The following AJAP1 variants were observed in gnomAD, a reference collection of about 807,000 sequenced individuals.
AJAP1 encodes the protein adherens junction-associated protein 1.
Under a neutral mutation model 35.0 loss-of-function variants are expected in AJAP1, and 5 were observed. The observed-to-expected ratio is 0.14, with a 90% CI of 0.07 to 0.30. AJAP1 has a LOEUF of 0.30. AJAP1 is among the 10% of genes least tolerant of loss of function. AJAP1 has a pLI of 1.00. For synonymous variants in AJAP1, 284 were observed against 249.3 expected (o/e 1.14, Z -1.31); for missense variants, 586 against 571.0 (o/e 1.03, Z -0.27).
chr1:4,688,728 T>A (rs1639663784), intron 1 of AJAP1, among the ~76,000 whole-genome samples: 2 of 139,102 alleles, frequency 1.4e-5, no homozygotes, highest in Admixed American at 1.6e-4. Context: ...GCTGAGATCG[T>A]GCCACTGCAC....
chr1:4,738,301 G>A (rs571338559), intron 2 of AJAP1, among the ~76,000 whole-genome samples: 18 of 152,344 alleles, frequency 1.2e-4, no homozygotes, highest in Admixed American at 4.6e-4. Flanking sequence ...AAATAAATGC[G>A]TAATTGTCAA....
chr1:4,743,202 A>G (rs961691460), intron 2 of AJAP1, among the ~76,000 whole-genome samples: 1 of 152,154 alleles, frequency 6.6e-6, no homozygotes, highest in African/African-American at 2.4e-5. Flanking sequence ...GGCCCCACAG[A>G]GTGATTTTGG....
At chr1:4,725,826 G>A (rs1183844301) in intron 2 of AJAP1, among the ~76,000 whole-genome samples, 1 of 152,164 alleles carries the variant, frequency 6.6e-6, no homozygotes, top group Non-Finnish European at 1.5e-5. Flanking sequence ...CCCTCTGTGT[G>A]TCTGTGTCCT....
chr1:4,738,583 G>C (rs1236715666), intron 2 of AJAP1, among the ~76,000 whole-genome samples: 2 of 152,162 alleles, frequency 1.3e-5, no homozygotes, highest in Non-Finnish European at 2.9e-5. Context: ...GTAAGGAGAG[G>C]GGGTGGGAGC....
At chr1:4,659,142 C>A (rs1227877088) in intron 1 of AJAP1, among the ~76,000 whole-genome samples, 2 of 152,204 alleles carry the variant, frequency 1.3e-5, no homozygotes, top group Non-Finnish European at 2.9e-5. Context: ...TTGCAAACAG[C>A]TGAGCCTTCA....
intron 1 of AJAP1, among the ~76,000 whole-genome samples, chr1:4,662,312 C>A (rs1639016765): frequency 6.6e-6 from 1 of 152,184 alleles, no homozygotes; most frequent in Non-Finnish European, 1.5e-5. Context: ...TGCCCATCCT[C>A]ACTATTCCTG....
At chr1:4,732,428 C>T (rs1219322270) in intron 2 of AJAP1, among the ~76,000 whole-genome samples, 1 of 152,272 alleles carries the variant, frequency 6.6e-6, no homozygotes, top group East Asian at 1.9e-4. Flanking sequence ...GAGGGGACCT[C>T]CAAGCTACCC....
At chr1:4,729,447 G>T (rs929730418) in intron 2 of AJAP1, among the ~76,000 whole-genome samples, 4 of 152,200 alleles carry the variant, frequency 2.6e-5, no homozygotes, top group Non-Finnish European at 5.9e-5. Flanking sequence ...TCTGAGCTGT[G>T]CCTACAGGGT....
Position 4,693,631 on chromosome 1 carries a change from G to A in AJAP1, c.30-18269G>A, listed in dbSNP as rs141642111. On this transcript the variant is annotated intron_variant, in intron 1 of 5. Transcript: ENST00000378191. The surrounding 1 kb of genome is among the most constrained non-coding windows in gnomAD (Gnocchi z 4.4). ...TGCCTGTCTTAGCCTGTTTTATGCG[G>A]CTCTAACAATATATGTGAGACTGGG... 3.6e-3 allele frequency among the ~76,000 whole-genome samples: 544 copies of A among 152,310 alleles called. 2 individuals are homozygous for A. Among genetic ancestry groups the A allele is most frequent in the African/African-American group, 8.3e-3 (346 of 41,566 alleles).
chr1:4,656,865 GT>G lies in AJAP1; in HGVS notation c.29+1413del, dbSNP rs1638894107. Among the ~76,000 whole-genome samples the G allele has an allele frequency of 1.3e-5, 2 of 152,180 alleles. No individual in the cohort carries two copies. Among genetic ancestry groups the G allele is most frequent in the Admixed American group, 1.3e-4 (2 of 15,280 alleles). On this transcript the variant is annotated intron_variant, in intron 1 of 5. Coordinates refer to ENST00000378191, the MANE Select transcript of AJAP1 (RefSeq NM_018836.4). This position sits in a 1 kb window ranked among gnomAD's most constrained non-coding sequence, Gnocchi z 5.7. ...GCTAGATAAGGTTTAGGCTTGGACC[GT>G]TGTGGGATGTTGGCAAAATGGAGCG...
chr1:4,757,276 G>A (rs1049582077), intron 2 of AJAP1, among the ~76,000 whole-genome samples: 7 of 152,160 alleles, frequency 4.6e-5, no homozygotes, highest in Non-Finnish European at 1.0e-4. Flanking sequence ...CCAGACCCAG[G>A]GGCATGCAGT....
At chr1:4,704,574 A>G (rs904481165) in intron 1 of AJAP1, among the ~76,000 whole-genome samples, 3 of 152,056 alleles carry the variant, frequency 2.0e-5, no homozygotes, top group African/African-American at 7.2e-5. Context: ...CATTTGGGTT[A>G]GTTCCAAGTC....
At position 4,655,331 on chromosome 1, in the gene AJAP1, A is replaced by G. The variant is rs1040753604; in HGVS notation, c.-95A>G. 68 of 1,176,860 alleles carry G rather than the reference A, an allele frequency of 5.8e-5. No individual in the cohort carries two copies. The African/African-American group carries it at 1.0e-3, about 18-fold the overall frequency. The allele number at this position is 1,176,860 out of a possible 1,614,324, so 72.9% of individuals were successfully genotyped here. A position where few individuals can be genotyped will look rare whatever the true frequency, so the allele number is the denominator to read the frequency against. On this transcript the variant is annotated 5_prime_UTR_variant, in exon 1 of 6. Coordinates refer to ENST00000378191, the MANE Select transcript of AJAP1 (RefSeq NM_018836.4). The surrounding 1 kb of genome is among the most constrained non-coding windows in gnomAD (Gnocchi z 6.9). Reference sequence around the variant, plus strand: ...CGGGAGGCGGCGGACCGAGAGCCGGAGACCGGCGCCGCGGGACGGAAGCGA... The same window carrying G: ...CGGGAGGCGGCGGACCGAGAGCCGGGGACCGGCGCCGCGGGACGGAAGCGA...
At chr1:4,744,625 G>GCACACA (rs34180991) in intron 2 of AJAP1, among the ~76,000 whole-genome samples, 1 of 149,710 alleles carries the variant, frequency 6.7e-6, no homozygotes, top group Non-Finnish European at 1.5e-5. Context: ...ACATGCATAT[G>GCACACA]CACACACACA....
At position 4,778,261 on chromosome 1, in the gene AJAP1, C is replaced by A. The variant is rs560882539; in HGVS notation, c.*59+3703C>A. Among the ~76,000 whole-genome samples, 3 of 152,292 alleles carry A rather than the reference C, an allele frequency of 2.0e-5. No homozygotes were observed. The South Asian group carries it at 6.2e-4, about 32-fold the overall frequency. On this transcript the variant is annotated intron_variant, in intron 5 of 5. Coordinates refer to ENST00000378191, the MANE Select transcript of AJAP1 (RefSeq NM_018836.4). ...CCAGGGAATCTCAGGTGGACATTCA[C>A]CTTCAGCCACGTTATTTTCCAGCCA...
At chr1:4,730,869 G>A (rs1175224516) in intron 2 of AJAP1, among the ~76,000 whole-genome samples, 1 of 152,098 alleles carries the variant, frequency 6.6e-6, no homozygotes, top group Non-Finnish European at 1.5e-5. Context: ...CTCATCCCCT[G>A]CTTGGCTGGA....
intron 2 of AJAP1, among the ~76,000 whole-genome samples, chr1:4,753,751 T>C (rs956535840): frequency 6.6e-6 from 1 of 152,162 alleles, no homozygotes; most frequent in Non-Finnish European, 1.5e-5. Flanking sequence ...TTTGTATTTT[T>C]AGTAGAGACA....
chr1:4,665,183 G>A lies in AJAP1; in HGVS notation c.29+9729G>A, dbSNP rs569494930. Among the ~76,000 whole-genome samples the A allele has an allele frequency of 3.3e-5, 5 of 152,128 alleles. No homozygotes were observed. In the South Asian group the frequency reaches 1.0e-3, roughly 32 times the overall value. ...TGTGCTTCCTGCTGAGGGACACGGTGGCTTTCAGAAGGCAAGGATTCTTTA... is the reference window on the plus strand; with the variant it reads ...TGTGCTTCCTGCTGAGGGACACGGTAGCTTTCAGAAGGCAAGGATTCTTTA... On this transcript the variant is annotated intron_variant, in intron 1 of 5. Coordinates refer to ENST00000378191, the MANE Select transcript of AJAP1 (RefSeq NM_018836.4).
chr1:4,719,481 GGAGCCGTTGCAGGTTTCTTGGAGCC>G (rs1640469698), intron 2 of AJAP1, among the ~76,000 whole-genome samples: 2 of 152,144 alleles, frequency 1.3e-5, no homozygotes, highest in South Asian at 4.2e-4. Flanking sequence ...GAAGGAAACA[GGAGCCGTTGCAGGTTTCTTGGAGCC>G]GAGCCCTGGG....
Sources: allele counts gnomAD v4.1 joint callset (sites outside exome capture counted in the v4.1 genomes callset), GRCh38; gene constraint gnomAD v4.1.1; non-coding constraint Gnocchi (gnomAD v3.1); transcripts MANE v1.5; gene names NCBI Gene and HGNC (gene_info 2026-07-23, HGNC 2026-07-21).